COL7A1: variants seen among roughly 807,000 people sequenced by gnomAD.
The protein encoded by COL7A1 is collagen type VII alpha 1 chain.
A neutral mutation model predicts 456.2 loss-of-function variants in COL7A1; 296 were observed. The observed-to-expected ratio is 0.65, with a 90% CI of 0.59 to 0.71. COL7A1 has a LOEUF of 0.71. COL7A1 is among the 30% of genes least tolerant of loss of function. COL7A1 has a pLI of 0.00. For missense variants in COL7A1, 3,441 were observed against 4,017.2 expected (o/e 0.86, Z 3.88); for synonymous variants, 1,464 against 1,525.9 (o/e 0.96, Z 0.95).
rs750718273 is a variant in COL7A1 at position 48,592,707 on chromosome 3, G to A, written c.847-8C>T. ...ACCAGCTGGGACGTTCACCTGCCCA[G>A]GGCAAGAGGTCACTTTATCTTGCCC... On this transcript the variant is annotated splice_polypyrimidine_tract_variant and splice_region_variant and intron_variant, in intron 7 of 118. Coordinates refer to ENST00000681320, the MANE Select transcript of COL7A1 (RefSeq NM_000094.4). This position sits in a 1 kb window ranked among gnomAD's most constrained non-coding sequence, Gnocchi z 7.6. 6.2e-7 allele frequency: 1 copy of A among 1,613,568 alleles called. No individual in the cohort carries two copies. Among genetic ancestry groups the A allele is most frequent in the Non-Finnish European group, 8.5e-7 (1 of 1,180,052 alleles).
rs1057335878 is a variant in COL7A1, at chr3:48,583,819, G to A, written c.4279-39C>T. On this transcript the variant is annotated intron_variant, in intron 39 of 118. Transcript: ENST00000681320. This position sits in a 1 kb window ranked among gnomAD's most constrained non-coding sequence, Gnocchi z 5.1. ...AGTAAAAATATGAGCCAAGAACTAT[G>A]AAGCCCAGCACCCAACCACTGCCCC... is the stretch of plus-strand genomic sequence containing the variant. 7 of 1,613,546 alleles carry A rather than the reference G, an allele frequency of 4.3e-6. No homozygotes were observed. The African/African-American group carries it at 6.7e-5, about 15-fold the overall frequency.
At position 48,575,513 on chromosome 3, in the gene COL7A1, G is replaced by C. The variant is rs200826090; in HGVS notation, c.6006C>G (p.Arg2002=). Residue 2002 remains arginine (R), a synonymous_variant, in exon 74 of 119, where the codon CGC becomes CGG. Transcript: ENST00000681320. This position sits in a 1 kb window ranked among gnomAD's most constrained non-coding sequence, Gnocchi z 6.3. ...GGTCTCCACGGTCGCCCTTCAGCCC[G>C]CGTTCTCCAGGAAAGCCGATGGGGC... ...KEGPIGFPGE[R]GLKGDRGDPG... 2 of 1,612,556 alleles carry C rather than the reference G, an allele frequency of 1.2e-6. No homozygotes were observed. Among genetic ancestry groups the C allele is most frequent in the Non-Finnish European group, 1.7e-6 (2 of 1,179,938 alleles).
chr3:48,580,577 T>C lies in COL7A1; in HGVS notation c.5052+4A>G. On this transcript the variant is annotated splice_donor_region_variant and intron_variant, in intron 55 of 118. Transcript: ENST00000681320. This position sits in a 1 kb window ranked among gnomAD's most constrained non-coding sequence, Gnocchi z 4.5. ...GGGGTGAGGAGTCATAGGCTGGGAC[T>C]CACATTTCGTCCATCCTCTCCAGGA... 6.2e-7 allele frequency: 1 copy of C among 1,613,638 alleles called. No homozygotes were observed. Among genetic ancestry groups the C allele is most frequent in the Non-Finnish European group, 8.5e-7 (1 of 1,179,742 alleles).
chr3:48,564,842 C>A lies in COL7A1; in HGVS notation c.8759G>T (p.Gly2920Val), dbSNP rs1244725161. 2.5e-6 allele frequency: 4 copies of A among 1,614,106 alleles called. No individual in the cohort carries two copies. The highest frequency in any genetic ancestry group is 3.4e-6 in the Non-Finnish European group (4 of 1,180,010). ...GGCGGNANRF[G>V]TREACERRCP... ...GCGGCGCTCGCAGGCCTCACGGGTC[C>A]CAAAACGGTTGGCATTCCCTCCACA... The change falls in exon 118 of 119, where the codon GGG becomes GTG. Residue 2920 changes from glycine to valine, a missense_variant. Transcript: ENST00000681320. This position sits in a 1 kb window ranked among gnomAD's most constrained non-coding sequence, Gnocchi z 6.0.
chr3:48,581,292 G>A lies in COL7A1; in HGVS notation c.4867C>T (p.Pro1623Ser). ...CCTCGGGGGCCAACAGGTCCTGGGG[G>A]GCCAGGCCGCCCAGGGTCTCCCTTC... Reference protein sequence around the residue: ...GEKGDPGRPGPPGPVGPRGRD... With the variant: ...GEKGDPGRPGSPGPVGPRGRD... The change falls in exon 52 of 119, where the codon CCC (proline) becomes TCC (serine). Residue 1623 changes from proline to serine, a missense_variant. Pro to Ser is a moderately conservative substitution (Grantham distance 74). Around this residue, in one of 3 missense-constraint regions of COL7A1, gnomAD observed 2,084 missense variants for 2,501.3 expected, o/e 0.83. Transcript: ENST00000681320. This position sits in a 1 kb window ranked among gnomAD's most constrained non-coding sequence, Gnocchi z 5.8. The A allele has an allele frequency of 6.2e-7, 1 of 1,613,494 alleles. No individual in the cohort carries two copies. The highest frequency in any genetic ancestry group is 8.5e-7 in the Non-Finnish European group (1 of 1,179,902).
At position 48,569,394 on chromosome 3, in the gene COL7A1, T is replaced by C. The variant is rs754928076; in HGVS notation, c.7667A>G (p.Asn2556Ser). ...CTGTACCTTGTCACCAGGGTCCCCA[T>C]TGTCTCCCCGAGGTCCTTTGTCACC... ...LDGDKGPRGD[N>S]GDPGDKGSKG... Residue 2556 changes from asparagine to serine, a missense_variant, in exon 103 of 119, where the codon AAT becomes AGT. Asn to Ser is a conservative substitution (Grantham distance 46). Coordinates refer to ENST00000681320, the MANE Select transcript of COL7A1 (RefSeq NM_000094.4). This position sits in a 1 kb window ranked among gnomAD's most constrained non-coding sequence, Gnocchi z 4.9. 1 of 1,613,934 alleles carries C rather than the reference T, an allele frequency of 6.2e-7. No homozygotes were observed. Among genetic ancestry groups the C allele is most frequent in the Non-Finnish European group, 8.5e-7 (1 of 1,179,956 alleles).
rs2043993735 is a variant in COL7A1 at position 48,572,470 on chromosome 3, C to T, written c.6936+33G>A. The stretch of plus-strand genomic sequence containing the variant: ...GGATTCCTTGGCCCCCACCAGTTGA[C>T]CCCCCCTCACTGGCAGCCCCACACA... On this transcript the variant is annotated intron_variant, in intron 89 of 118. Transcript: ENST00000681320. This position sits in a 1 kb window ranked among gnomAD's most constrained non-coding sequence, Gnocchi z 4.6. 3.7e-6 allele frequency: 6 copies of T among 1,613,014 alleles called. No individual in the cohort carries two copies. In the South Asian group the frequency reaches 6.6e-5, roughly 18 times the overall value.
At position 48,593,242 on chromosome 3, in the gene COL7A1, T is replaced by C. The variant is rs375442528; in HGVS notation, c.542A>G (p.Glu181Gly). 1.1e-5 allele frequency: 17 copies of C among 1,614,108 alleles called. No individual in the cohort carries two copies. Among genetic ancestry groups the C allele is most frequent in the East Asian group, 6.7e-5 (3 of 44,886 alleles). Residue 181 changes from glutamate to glycine, a missense_variant, in exon 6 of 119, where the codon GAG (glutamate) becomes GGG (glycine). Physicochemically the swap from Glu to Gly is moderately conservative, Grantham distance 98. This residue lies in a region of COL7A1 where 913 missense variants were observed against 1,088.2 expected (regional missense o/e 0.84). Transcript: ENST00000681320. The surrounding 1 kb of genome is among the most constrained non-coding windows in gnomAD (Gnocchi z 4.4). ...FAVGIKNADP[E>G]ELKRVASQPT... is the part of the protein sequence containing the mutation. ...CTGTGAGGCAACTCGCTTCAGCTCCTCAGGGTCAGCATTCTTGATCCCTGA... is the reference window on the plus strand; with the variant it reads ...CTGTGAGGCAACTCGCTTCAGCTCCCCAGGGTCAGCATTCTTGATCCCTGA...
At position 48,573,898 on chromosome 3, in the gene COL7A1, G is replaced by T; in HGVS notation, c.6502-8C>A. On this transcript the variant is annotated splice_polypyrimidine_tract_variant and splice_region_variant and intron_variant, in intron 80 of 118. Transcript: ENST00000681320. This position sits in a 1 kb window ranked among gnomAD's most constrained non-coding sequence, Gnocchi z 5.5. ...TCTTGGACCCTGCAGACCCTACATA[G>T]AGAGGGCACTGATGAGCCTCAATCT... The T allele has an allele frequency of 6.2e-7, 1 of 1,613,208 alleles. No homozygotes were observed. The highest frequency in any genetic ancestry group is 8.5e-7 in the Non-Finnish European group (1 of 1,179,944).
chr3:48,578,423 A>T lies in COL7A1; in HGVS notation c.5487+30T>A. On this transcript the variant is annotated intron_variant, in intron 64 of 118. Transcript: ENST00000681320. This position sits in a 1 kb window ranked among gnomAD's most constrained non-coding sequence, Gnocchi z 4.7. ...GATCGGGTGAGGGTAGTAAGGGGGA[A>T]AAGGGGGTAACATGAAAGTCTGGTC... 6.2e-7 allele frequency: 1 copy of T among 1,613,464 alleles called. No homozygotes were observed. Among genetic ancestry groups the T allele is most frequent in the East Asian group, 2.2e-5 (1 of 44,886 alleles).
Position 48,571,753 on chromosome 3 carries a change from G to A in COL7A1, c.7068+248C>T, listed in dbSNP as rs950377709. 6 of 634,244 alleles carry A rather than the reference G, an allele frequency of 9.5e-6. No homozygotes were observed. The highest frequency in any genetic ancestry group is 1.8e-5 in the African/African-American group (1 of 55,264). 39.3% of individuals were successfully genotyped at this position (634,244 alleles called of 1,614,324 possible). On this transcript the variant is annotated intron_variant, in intron 92 of 118. Coordinates refer to ENST00000681320, the MANE Select transcript of COL7A1 (RefSeq NM_000094.4). The surrounding 1 kb of genome is among the most constrained non-coding windows in gnomAD (Gnocchi z 4.6). ...TCTGGGAGATCAGACCAGAGCACAC[G>A]TGTGCCCAGATGTGGTGAGAAACAG... is the stretch of plus-strand genomic sequence containing the variant.
In COL7A1 at chr3:48,568,625, G is replaced by A. The variant is rs994417785; in HGVS notation, c.7759-91C>T. 2.5e-5 allele frequency: 38 copies of A among 1,516,146 alleles called. No individual in the cohort carries two copies. The highest frequency in any genetic ancestry group is 3.1e-5 in the Non-Finnish European group (35 of 1,115,396). 93.9% of individuals were successfully genotyped at this position (1,516,146 alleles called of 1,614,324 possible). A position where few individuals can be genotyped will look rare whatever the true frequency, so the allele number is the denominator to read the frequency against. On this transcript the variant is annotated intron_variant, in intron 104 of 118. Coordinates refer to ENST00000681320, the MANE Select transcript of COL7A1 (RefSeq NM_000094.4). This position sits in a 1 kb window ranked among gnomAD's most constrained non-coding sequence, Gnocchi z 5.2. ...ATGTGTGGCCACTCAGATGCTCAGCGGCCAGGGCCCAGGCCACACACAGAT... is the reference window on the plus strand; with the variant it reads ...ATGTGTGGCCACTCAGATGCTCAGCAGCCAGGGCCCAGGCCACACACAGAT...
Position 48,587,386 on chromosome 3 carries a change from T to A in COL7A1, c.2992+34A>T. ...AAAGCTGTCTCCACAGAGCCCCAAC[T>A]GCCAGCCCACCCAAATCCTGGCCTC... On this transcript the variant is annotated intron_variant, in intron 23 of 118. Coordinates refer to ENST00000681320, the MANE Select transcript of COL7A1 (RefSeq NM_000094.4). This position sits in a 1 kb window ranked among gnomAD's most constrained non-coding sequence, Gnocchi z 6.1. 1 of 1,612,956 alleles carries A rather than the reference T, an allele frequency of 6.2e-7. No homozygotes were observed. Among genetic ancestry groups the A allele is most frequent in the Non-Finnish European group, 8.5e-7 (1 of 1,179,928 alleles).
rs915699582 is a variant in COL7A1, at chr3:48,593,951, A to C, written c.267-255T>G. On this transcript the variant is annotated intron_variant, in intron 3 of 118. Coordinates refer to ENST00000681320, the MANE Select transcript of COL7A1 (RefSeq NM_000094.4). The surrounding 1 kb of genome is among the most constrained non-coding windows in gnomAD (Gnocchi z 4.4). ...TAGGGGCTCACAGTCTGTGGGGAACAAGATGCTGCTTAATTAAATAATTGC... is the reference window on the plus strand; with the variant it reads ...TAGGGGCTCACAGTCTGTGGGGAACCAGATGCTGCTTAATTAAATAATTGC... 5.3e-5 allele frequency among the ~76,000 whole-genome samples: 8 copies of C among 152,202 alleles called. No homozygotes were observed. The highest frequency in any genetic ancestry group is 1.9e-4 in the African/African-American group (8 of 41,456).
At chr3:48,589,200 T>A in intron 18 of COL7A1, 127 bp downstream of exon 18, 1 of 1,496,306 alleles carries the variant, frequency 6.7e-7, no homozygotes, top group Non-Finnish European at 9.2e-7. Flanking sequence ...TTAATCAGTG[T>A]GGGGTGGGTC....
Position 48,586,603 on chromosome 3 carries a change from G to A in COL7A1, c.3363C>T (p.Ile1121=), listed in dbSNP as rs1559420676. 1.2e-6 allele frequency: 2 copies of A among 1,613,784 alleles called. No individual in the cohort carries two copies. The highest frequency in any genetic ancestry group is 1.6e-4 in the Middle Eastern group (1 of 6,062). The part of the protein sequence containing the change: ...SHDLGIILQR[I]RDMPYMDPSG... ...TTGGGTCCATGTAGGGCATGTCACG[G>A]ATCCTTTGCAAGATAATGCCAAGGT... is the stretch of plus-strand genomic sequence containing the variant. The change falls in exon 26 of 119, where the codon ATC becomes ATT. Residue 1121 remains isoleucine (I), a synonymous_variant. Transcript: ENST00000681320. This position sits in a 1 kb window ranked among gnomAD's most constrained non-coding sequence, Gnocchi z 5.1.
chr3:48,595,075 C>G lies in COL7A1; in HGVS notation c.85G>C (p.Val29Leu), dbSNP rs2107811679. Reference sequence around the variant, plus strand: ...CCGGGTCCTCCCTTGCGGTGCCCACCTCTCTCCCTGTGCTGGGCTCGCACT... The same window carrying G: ...CCGGGTCCTCCCTTGCGGTGCCCACGTCTCTCCCTGTGCTGGGCTCGCACT... ...PRVRAQHRER[V>L]TCTRLYAADI... The change falls in exon 2 of 119, where the codon GTG becomes CTG. Residue 29 changes from valine to leucine, a missense_variant and splice_region_variant. Val to Leu is a conservative substitution (Grantham distance 32, BLOSUM62 1). Around this residue, in one of 3 missense-constraint regions of COL7A1, gnomAD observed 913 missense variants for 1,088.2 expected, o/e 0.84. Transcript: ENST00000681320. 1 of 1,550,026 alleles carries G rather than the reference C, an allele frequency of 6.5e-7. No homozygotes were observed. Among genetic ancestry groups the G allele is most frequent in the Non-Finnish European group, 8.7e-7 (1 of 1,147,142 alleles).
rs369279598 is a variant in COL7A1, at chr3:48,583,964, ACAG to A, written c.4225-14_4225-12del. 36 of 1,614,022 alleles carry A rather than the reference ACAG, an allele frequency of 2.2e-5. No homozygotes were observed. The African/African-American group carries it at 4.7e-4, about 21-fold the overall frequency. On this transcript the variant is annotated splice_polypyrimidine_tract_variant and intron_variant, in intron 38 of 118. Transcript: ENST00000681320. This position sits in a 1 kb window ranked among gnomAD's most constrained non-coding sequence, Gnocchi z 5.1. Reference sequence around the variant, plus strand: ...TGGTCCAGGGGGACCCTGGGAGAGAACAGCAGGTCAGGGAATGAACAGGGGAAT... The same window carrying A: ...TGGTCCAGGGGGACCCTGGGAGAGAACAGGTCAGGGAATGAACAGGGGAAT...
Position 48,573,454 on chromosome 3 carries a change from C to T in COL7A1, c.6618+59G>A. 6.2e-7 allele frequency: 1 copy of T among 1,613,742 alleles called. No homozygotes were observed. Among genetic ancestry groups the T allele is most frequent in the South Asian group, 1.1e-5 (1 of 91,076 alleles). ...AGCCCAGGAGGTTGGCGCACACTAC[C>T]CCAGGCATGGACACAGCTTGAAGGA... On this transcript the variant is annotated intron_variant, in intron 83 of 118. Coordinates refer to ENST00000681320, the MANE Select transcript of COL7A1 (RefSeq NM_000094.4). The surrounding 1 kb of genome is among the most constrained non-coding windows in gnomAD (Gnocchi z 5.5).
Sources: allele counts gnomAD v4.1 joint callset (sites outside exome capture counted in the v4.1 genomes callset), GRCh38; gene constraint gnomAD v4.1.1; regional missense constraint gnomAD v4.1.1; non-coding constraint Gnocchi (gnomAD v3.1); transcripts MANE v1.5; gene names NCBI Gene and HGNC (gene_info 2026-07-23, HGNC 2026-07-21).